CADM2: variants seen among roughly 807,000 people sequenced by gnomAD.
The protein encoded by CADM2 is cell adhesion molecule 2.
A neutral mutation model predicts 49.8 loss-of-function variants in CADM2; 12 were observed. The ratio of observed to expected loss-of-function variants is 0.24; its 90% CI spans 0.15 to 0.39. The LOEUF is 0.39. Ranked by LOEUF, CADM2 falls within the 10% of genes least tolerant of loss-of-function variation. The pLI is 1.00. For missense variants in CADM2, 378 were observed against 492.3 expected, an observed-to-expected ratio of 0.77 and a Z score of 2.20; for synonymous variants, 214 against 175.4, an observed-to-expected ratio of 1.22 and a Z score of -1.74.
chr3:85,863,342 G>A (rs1439874358), intron 3 of CADM2, among the ~76,000 whole-genome samples: 1 of 152,104 alleles, frequency 6.6e-6, no homozygotes, highest in African/African-American at 2.4e-5. Flanking sequence ...GGGAGATAAG[G>A]CCTTTAAGAG....
intron 3 of CADM2, among the ~76,000 whole-genome samples, chr3:85,875,992 G>T (rs184667542): frequency 2.6e-4 from 39 of 152,204 alleles, no homozygotes; most frequent in South Asian, 6.2e-4. Context: ...GGGATACTTG[G>T]GTGGAAAGCA....
At chr3:85,952,611 T>C (rs1247616743) in intron 7 of CADM2, among the ~76,000 whole-genome samples, 1 of 150,960 alleles carries the variant, frequency 6.6e-6, no homozygotes, top group African/African-American at 2.4e-5. Context: ...GTCTTTAAAT[T>C]GTTGTTTTTC....
intron 1 of CADM2, among the ~76,000 whole-genome samples, chr3:85,686,282 C>T (rs978726784): frequency 2.0e-5 from 3 of 152,092 alleles, no homozygotes; most frequent in African/African-American, 7.2e-5. Flanking sequence ...ACTTCACTTC[C>T]TGTCAACATT....
At chr3:85,439,241 C>A (rs1195895927) in intron 1 of CADM2, among the ~76,000 whole-genome samples, 2 of 151,484 alleles carry the variant, frequency 1.3e-5, no homozygotes, top group Non-Finnish European at 2.9e-5. Context: ...GCAACCTCCA[C>A]CTCCCAGGTT....
At chr3:85,558,403 A>G (rs1271741784) in intron 1 of CADM2, among the ~76,000 whole-genome samples, 10 of 152,034 alleles carry the variant, frequency 6.6e-5, no homozygotes, top group African/African-American at 2.4e-4. Context: ...TCTGTAACAT[A>G]AAATCTACAA....
chr3:85,736,264 G>A (rs2068131639), intron 2 of CADM2, among the ~76,000 whole-genome samples: 2 of 152,208 alleles, frequency 1.3e-5, no homozygotes, highest in South Asian at 2.1e-4. Context: ...AACAAGCAAT[G>A]TAACCTTGGT....
chr3:85,264,262 A>C (rs1576238045), intron 1 of CADM2, among the ~76,000 whole-genome samples: 1 of 152,228 alleles, frequency 6.6e-6, no homozygotes, highest in Non-Finnish European at 1.5e-5. Context: ...ATCAACACCC[A>C]AACCTATGCT....
intron 2 of CADM2, among the ~76,000 whole-genome samples, chr3:85,743,356 A>T (rs1415032812): frequency 6.6e-6 from 1 of 152,136 alleles, no homozygotes; most frequent in Non-Finnish European, 1.5e-5. Context: ...TTCTCCACAC[A>T]TCCTTTTCAC....
intron 1 of CADM2, among the ~76,000 whole-genome samples, chr3:85,402,413 A>G (rs1313018542): frequency 6.6e-6 from 1 of 152,094 alleles, no homozygotes; most frequent in African/African-American, 2.4e-5. Context: ...AAGTTTGCTC[A>G]CATATATTTA....
intron 2 of CADM2, among the ~76,000 whole-genome samples, chr3:85,799,721 A>T (rs1438904982): frequency 6.6e-6 from 1 of 152,126 alleles, no homozygotes. Flanking sequence ...GAGGCTGCAG[A>T]ACAGCAAAGA....
At chr3:85,768,682 T>A (rs1577263021) in intron 2 of CADM2, among the ~76,000 whole-genome samples, 1 of 146,318 alleles carries the variant, frequency 6.8e-6, no homozygotes, top group Non-Finnish European at 1.5e-5. Flanking sequence ...AATATATATA[T>A]ACACATATAT....
At chr3:85,105,659 A>G (rs1207633415) in intron 1 of CADM2, among the ~76,000 whole-genome samples, 1 of 152,086 alleles carries the variant, frequency 6.6e-6, no homozygotes, top group African/African-American at 2.4e-5. Context: ...GTTTATTGTG[A>G]CACTATTCAC....
chr3:85,123,900 G>A (rs1022552016), intron 1 of CADM2, among the ~76,000 whole-genome samples: 1 of 152,102 alleles, frequency 6.6e-6, no homozygotes, highest in Non-Finnish European at 1.5e-5. Flanking sequence ...TTTATTCAAG[G>A]CTATTGCAAT....
At chr3:85,590,362 C>T (rs956736469) in intron 1 of CADM2, among the ~76,000 whole-genome samples, 3 of 151,890 alleles carry the variant, frequency 2.0e-5, no homozygotes, top group Admixed American at 6.6e-5. Context: ...AGAAGGTAAG[C>T]GCTTTATAGT....
At chr3:85,828,462 T>A (rs564931052) in intron 3 of CADM2, among the ~76,000 whole-genome samples, 5 of 151,976 alleles carry the variant, frequency 3.3e-5, no homozygotes, top group Admixed American at 6.6e-5. Context: ...ATTATACAGT[T>A]ATAATTTTCA....
intron 1 of CADM2, among the ~76,000 whole-genome samples, chr3:85,359,040 G>C (rs866969790): frequency 1.3e-5 from 2 of 152,240 alleles, no homozygotes; most frequent in African/African-American, 4.8e-5. Flanking sequence ...TGTGAGACCT[G>C]TCACAATCTT....
intron 1 of CADM2, among the ~76,000 whole-genome samples, chr3:84,995,892 AT>A (rs1483608915): frequency 6.6e-6 from 1 of 152,152 alleles, no homozygotes; most frequent in Non-Finnish European, 1.5e-5. Flanking sequence ...GATTTCTGAT[AT>A]TTTTGTATTT....
chr3:85,067,416 G>A (rs1476167036), intron 1 of CADM2, among the ~76,000 whole-genome samples: 1 of 151,992 alleles, frequency 6.6e-6, no homozygotes, highest in Non-Finnish European at 1.5e-5. Context: ...GTTTTAATGG[G>A]AACATTTATT....
chr3:85,351,135 CTGTT>C (rs926137392), intron 1 of CADM2, among the ~76,000 whole-genome samples: 158 of 152,026 alleles, frequency 1.0e-3, no homozygotes, highest in African/African-American at 1.9e-4. Context: ...AATCTGTTGA[CTGTT>C]TGATGAACTA....
Sources: allele counts gnomAD v4.1 joint callset (sites outside exome capture counted in the v4.1 genomes callset), GRCh38; gene constraint gnomAD v4.1.1; transcripts MANE v1.5; gene names NCBI Gene and HGNC (gene_info 2026-07-23, HGNC 2026-07-21).